The following COL24A1 variants were observed in gnomAD, a reference collection of about 807,000 sequenced individuals.
COL24A1 encodes the protein collagen type XXIV alpha 1 chain.
In COL24A1, 224 loss-of-function variants were observed where a neutral mutation model predicts 253.9. The observed-to-expected ratio is 0.88, with a 90% CI of 0.79 to 0.99. The LOEUF is 0.99. Ranked by LOEUF, COL24A1 falls within the 50% of genes least tolerant of loss-of-function variation. The probability of loss-of-function intolerance (pLI) is 0.00; values close to 1 mark genes in which losing one functional copy is unlikely to be tolerated. For missense variants in COL24A1, 2,131 were observed against 2,068.5 expected, an observed-to-expected ratio of 1.03 and a Z score of -0.59; for synonymous variants, 685 against 673.7, an observed-to-expected ratio of 1.02 and a Z score of -0.26.
At chr1:86,077,012 G>A (rs1467225407) in intron 7 of COL24A1, among the ~76,000 whole-genome samples, 1 of 152,160 alleles carries the variant, frequency 6.6e-6, no homozygotes, top group African/African-American at 2.4e-5. Flanking sequence ...TTAAACTAAA[G>A]AGCTCTGCAC....
At chr1:86,068,107 C>T (rs1029008715) in intron 7 of COL24A1, among the ~76,000 whole-genome samples, 4 of 152,194 alleles carry the variant, frequency 2.6e-5, no homozygotes, top group Non-Finnish European at 5.9e-5. Context: ...TAGAAGCTTA[C>T]GCTATTCGTC....
At chr1:86,131,460 C>A (rs1572027714) in intron 2 of COL24A1, among the ~76,000 whole-genome samples, 1 of 151,460 alleles carries the variant, frequency 6.6e-6, no homozygotes, top group African/African-American at 2.4e-5. Flanking sequence ...TGTGCTGCAC[C>A]CATTAACTCG....
In COL24A1 at chr1:86,063,824, T is replaced by C. The variant is rs1166998595; in HGVS notation, c.1708-65A>G. The C allele has an allele frequency of 9.6e-6, 12 of 1,253,892 alleles. No homozygotes were observed. The South Asian group carries it at 1.6e-4, about 17-fold the overall frequency. The allele number at this position is 1,253,892 out of a possible 1,614,324, so 77.7% of individuals were successfully genotyped here. Reference sequence around the variant, plus strand: ...CTCATATAAGCCAAATAACGAAACATAGGTTGCAAGTTGCCTTATATCCCA... The same window carrying C: ...CTCATATAAGCCAAATAACGAAACACAGGTTGCAAGTTGCCTTATATCCCA... On this transcript the variant is annotated intron_variant, in intron 7 of 59. Transcript: ENST00000370571.
At chr1:85,950,450 C>A (rs758762654) in intron 24 of COL24A1, among the ~76,000 whole-genome samples, 1 of 151,928 alleles carries the variant, frequency 6.6e-6, no homozygotes, top group South Asian at 2.1e-4. Flanking sequence ...AGTGTGGTAC[C>A]AATTACAGAA....
intron 2 of COL24A1, among the ~76,000 whole-genome samples, chr1:86,138,519 C>T (rs1408659357): frequency 6.6e-6 from 1 of 152,080 alleles, no homozygotes; most frequent in Admixed American, 6.6e-5. Context: ...GAATGGGTTT[C>T]ACTAGATCTG....
intron 32 of COL24A1, among the ~76,000 whole-genome samples, chr1:85,877,548 A>C (rs1306334062): frequency 2.6e-5 from 4 of 152,196 alleles, no homozygotes; most frequent in Non-Finnish European, 4.4e-5. Flanking sequence ...TTTGTAGTAG[A>C]GATGGGATTT....
chr1:85,742,066 C>T (rs7532758), intron 57 of COL24A1, among the ~76,000 whole-genome samples: 69,698 of 151,520 alleles, frequency 0.46, 16,230 homozygotes, highest in South Asian at 0.57. Context: ...TTTGCTAGTT[C>T]GCCCTCACCT....
chr1:85,889,728 A>G, intron 31 of COL24A1, 115 bp from the exon 32 acceptor site: 1 of 793,172 alleles, frequency 1.3e-6, no homozygotes, highest in South Asian at 1.6e-5. Flanking sequence ...GTCTATTGCT[A>G]TTCTTTTTTT....
chr1:85,935,077 T>A (rs1460073303), intron 24 of COL24A1, among the ~76,000 whole-genome samples: 1 of 152,148 alleles, frequency 6.6e-6, no homozygotes, highest in African/African-American at 2.4e-5. Context: ...CTATAAAAAC[T>A]TTAAAACTCT....
chr1:86,116,842 T>C (rs1271831726), intron 3 of COL24A1, among the ~76,000 whole-genome samples: 1 of 152,188 alleles, frequency 6.6e-6, no homozygotes, highest in African/African-American at 2.4e-5. Context: ...ATGCTATTTC[T>C]ATTCAGCCCC....
At chr1:85,941,320 C>G (rs998181295) in intron 24 of COL24A1, among the ~76,000 whole-genome samples, 4 of 152,026 alleles carry the variant, frequency 2.6e-5, no homozygotes, top group African/African-American at 4.8e-5. Flanking sequence ...TGCCTCCCCC[C>G]ACTGTCAATA....
At position 86,125,058 on chromosome 1, in the gene COL24A1, T is replaced by G. The variant is rs570728829; in HGVS notation, c.1278A>C (p.Pro426=). The part of the protein sequence containing the change: ...LHTNELMEMQ[P]ILNTSLHRVT... ...CTCTATGCAAGCTTGTGTTTAAAAT[T>G]GGTTGCATTTCCATGAGTTCGTTAG... The change falls in exon 3 of 60, where the codon CCA becomes CCC. Residue 426 remains proline, a synonymous_variant. Transcript: ENST00000370571. 376 of 1,613,010 alleles carry G rather than the reference T, an allele frequency of 2.3e-4. 4 individuals carry two copies. The South Asian group carries it at 4.0e-3, about 17-fold the overall frequency.
chr1:85,779,334 A>G (rs1464964110), intron 52 of COL24A1, among the ~76,000 whole-genome samples: 1 of 152,146 alleles, frequency 6.6e-6, no homozygotes, highest in African/African-American at 2.4e-5. Flanking sequence ...AAAAAATGTA[A>G]TCGGAGACTT....
At chr1:86,032,333 T>C (rs1228634851) in intron 13 of COL24A1, among the ~76,000 whole-genome samples, 1 of 152,202 alleles carries the variant, frequency 6.6e-6, no homozygotes, top group East Asian at 1.9e-4. Flanking sequence ...TGGACTCTTT[T>C]GAAGTACATT....
chr1:85,748,449 T>C (rs1243575942), intron 55 of COL24A1, among the ~76,000 whole-genome samples: 1 of 152,204 alleles, frequency 6.6e-6, no homozygotes, highest in Non-Finnish European at 1.5e-5. Flanking sequence ...GGTGGAATAA[T>C]AGCCTTCCAG....
intron 4 of COL24A1, among the ~76,000 whole-genome samples, chr1:86,113,819 G>A (rs1705845737): frequency 9.3e-6 from 1 of 107,010 alleles, no homozygotes; most frequent in South Asian, 3.5e-4. Context: ...CTGGGTGACA[G>A]AGTGAGATCC....
At chr1:86,146,050 T>C in intron 2 of COL24A1, 69 bp downstream of exon 2, 1 of 1,244,348 alleles carries the variant, frequency 8.0e-7, no homozygotes, top group South Asian at 1.3e-5. Flanking sequence ...GAGTTGAAAG[T>C]TATGTACTTT....
intron 32 of COL24A1, among the ~76,000 whole-genome samples, chr1:85,882,341 G>C (rs1681948355): frequency 6.6e-6 from 1 of 152,188 alleles, no homozygotes; most frequent in South Asian, 2.1e-4. Flanking sequence ...GCGGGCGCCT[G>C]TAGTCCCAGC....
chr1:85,814,345 G>T (rs192694735), intron 47 of COL24A1, among the ~76,000 whole-genome samples: 27 of 152,314 alleles, frequency 1.8e-4, no homozygotes, highest in Admixed American at 1.6e-3. Flanking sequence ...AAGGTTTAGA[G>T]TGGCATTGAA....
Sources: allele counts gnomAD v4.1 joint callset (sites outside exome capture counted in the v4.1 genomes callset), GRCh38; gene constraint gnomAD v4.1.1; transcripts MANE v1.5; gene names NCBI Gene and HGNC (gene_info 2026-07-23, HGNC 2026-07-21).